Variants in DRGX observed in about 807,000 individuals in gnomAD.
DRGX encodes dorsal root ganglia homeobox, also known as dorsal root ganglia homeobox protein.
DRGX carries 21 observed loss-of-function variants against 28.6 expected under a neutral mutation model. That is an observed-to-expected ratio of 0.73 (90% CI 0.52 to 1.06). The LOEUF (loss-of-function observed/expected upper bound fraction) is 1.06, where lower values mean the gene tolerates loss of function less well. Ranked by LOEUF, DRGX falls within the 50% of genes least tolerant of loss-of-function variation. The pLI is 0.00. For synonymous variants in DRGX, 136 were observed against 139.1 expected, an observed-to-expected ratio of 0.98 and a Z score of 0.16; for missense variants, 354 against 343.9, an observed-to-expected ratio of 1.03 and a Z score of -0.23.
intron 4 of DRGX, among the ~76,000 whole-genome samples, chr10:49,389,292 A>T (rs542932514): frequency 1.4e-4 from 21 of 152,350 alleles, no homozygotes; most frequent in Admixed American, 8.5e-4. Flanking sequence ...AGAGATACTA[A>T]CATGACCCAG....
chr10:49,364,898 ACTGCAAC>A lies in DRGX; in HGVS notation c.*1211_*1217del, dbSNP rs1849582635. On this transcript the variant is annotated 3_prime_UTR_variant, in exon 7 of 7. Transcript: ENST00000374139. ...ACACCATCAGCAAAAGCCACCAAAGACTGCAACCTTTCCCATGCCGGGCGCCCCTGCC... is the reference window on the plus strand; with the variant it reads ...ACACCATCAGCAAAAGCCACCAAAGACTTTCCCATGCCGGGCGCCCCTGCC... 1 of 152,236 alleles carries A rather than the reference ACTGCAAC, an allele frequency of 6.6e-6. No homozygotes were observed. The highest frequency in any genetic ancestry group is 2.4e-5 in the African/African-American group (1 of 41,460). 9.4% of individuals were successfully genotyped at this position (152,236 alleles called of 1,614,324 possible). A position where few individuals can be genotyped will look rare whatever the true frequency, so the allele number is the denominator to read the frequency against.
Position 49,391,353 on chromosome 10 carries a change from A to C in DRGX, c.35-92T>G, listed in dbSNP as rs1482558562. ...AGTTCAGAGGGCACCCACCTGACCC[A>C]CCAGACAGGAAGCCCTGTTTGTCCC... On this transcript the variant is annotated intron_variant, in intron 2 of 6. Coordinates refer to ENST00000374139, the MANE Select transcript of DRGX (RefSeq NM_001276451.2). The C allele has an allele frequency of 5.3e-6, 5 of 944,230 alleles. No individual in the cohort carries two copies. The East Asian group carries it at 1.3e-4, about 24-fold the overall frequency. The allele number at this position is 944,230 out of a possible 1,614,324, so 58.5% of individuals were successfully genotyped here. A position where few individuals can be genotyped will look rare whatever the true frequency, so the allele number is the denominator to read the frequency against.
At chr10:49,378,343 G>A (rs1849737939) in intron 6 of DRGX, among the ~76,000 whole-genome samples, 1 of 152,134 alleles carries the variant, frequency 6.6e-6, no homozygotes, top group Admixed American at 6.5e-5. Context: ...ACCACATATT[G>A]CACGATTCCA....
At chr10:49,366,403 G>A (rs368998576) in intron 6 of DRGX, 22 bp from the exon 7 acceptor site, 1 of 1,583,110 alleles carries the variant, frequency 6.3e-7, no homozygotes, top group Non-Finnish European at 8.6e-7. Context: ...AAAACAACAG[G>A]CTCCCATCAC....
At chr10:49,390,706 C>A (rs1326989720) in intron 3 of DRGX, among the ~76,000 whole-genome samples, 2 of 152,146 alleles carry the variant, frequency 1.3e-5, no homozygotes, top group Non-Finnish European at 2.9e-5. Flanking sequence ...AGAGGCTGAT[C>A]GAGGGGAAAA....
At chr10:49,387,896 G>C (rs897460907) in intron 4 of DRGX, among the ~76,000 whole-genome samples, 17 of 152,198 alleles carry the variant, frequency 1.1e-4, no homozygotes, top group Non-Finnish European at 2.2e-4. Context: ...ACAGTTTGAA[G>C]CCCAATGGCT....
chr10:49,384,074 C>T (rs1849806065), intron 6 of DRGX, among the ~76,000 whole-genome samples: 1 of 152,244 alleles, frequency 6.6e-6, no homozygotes, highest in African/African-American at 2.4e-5. Flanking sequence ...CTGCCTCTGC[C>T]CAACCCGAAT....
At chr10:49,392,331 G>A (rs780603796) in intron 2 of DRGX, among the ~76,000 whole-genome samples, 1 of 152,182 alleles carries the variant, frequency 6.6e-6, no homozygotes, top group African/African-American at 2.4e-5. Context: ...ACTAGAGGAA[G>A]TTCCTTTTAG....
At chr10:49,392,390 C>G (rs1849916438) in intron 2 of DRGX, among the ~76,000 whole-genome samples, 1 of 152,254 alleles carries the variant, frequency 6.6e-6, no homozygotes, top group South Asian at 2.1e-4. Context: ...CACCCTGACT[C>G]TCTGCTAAAG....
chr10:49,380,506 T>G (rs1253712886), intron 6 of DRGX, among the ~76,000 whole-genome samples: 2 of 152,224 alleles, frequency 1.3e-5, no homozygotes, highest in African/African-American at 2.4e-5. Flanking sequence ...CACCCATTAT[T>G]GTCATGTTAG....
intron 2 of DRGX, among the ~76,000 whole-genome samples, chr10:49,392,252 G>A (rs1321056433): frequency 1.3e-5 from 2 of 152,228 alleles, no homozygotes; most frequent in Non-Finnish European, 2.9e-5. Flanking sequence ...CACTGTCCCA[G>A]ACAAGGACCC....
chr10:49,369,979 A>T (rs1165963227), intron 6 of DRGX, among the ~76,000 whole-genome samples: 1 of 152,022 alleles, frequency 6.6e-6, no homozygotes, highest in Non-Finnish European at 1.5e-5. Context: ...CACCGCACTC[A>T]CCGGGCCTTT....
At chr10:49,381,480 C>A (rs2132478450) in intron 6 of DRGX, among the ~76,000 whole-genome samples, 1 of 152,392 alleles carries the variant, frequency 6.6e-6, no homozygotes, top group African/African-American at 2.4e-5. Context: ...CAGGCCCCAG[C>A]ACCAACCCTG....
At chr10:49,387,387 G>T (rs1849851703) in intron 4 of DRGX, among the ~76,000 whole-genome samples, 1 of 152,120 alleles carries the variant, frequency 6.6e-6, no homozygotes, top group African/African-American at 2.4e-5. Flanking sequence ...GGTCAGGCGT[G>T]GTGGCTCAGG....
At chr10:49,372,625 C>G (rs1849672087) in intron 6 of DRGX, among the ~76,000 whole-genome samples, 1 of 152,230 alleles carries the variant, frequency 6.6e-6, no homozygotes. Context: ...AATTCCATGA[C>G]CAGCTGAAGA....
At chr10:49,368,516 C>A (rs1849622552) in intron 6 of DRGX, among the ~76,000 whole-genome samples, 1 of 152,252 alleles carries the variant, frequency 6.6e-6, no homozygotes, top group South Asian at 2.1e-4. Context: ...CATAGCCACA[C>A]CCTGACACCA....
At chr10:49,377,405 G>C (rs2132475344) in intron 6 of DRGX, among the ~76,000 whole-genome samples, 1 of 152,334 alleles carries the variant, frequency 6.6e-6, no homozygotes, top group South Asian at 2.1e-4. Flanking sequence ...GTTAGTGTCT[G>C]CAGTCAGTCT....
At chr10:49,379,645 C>T (rs1170904305) in intron 6 of DRGX, among the ~76,000 whole-genome samples, 1 of 152,202 alleles carries the variant, frequency 6.6e-6, no homozygotes, top group Non-Finnish European at 1.5e-5. Context: ...GCAAAACATC[C>T]TTGACTAATG....
chr10:49,376,983 C>T (rs143480250), intron 6 of DRGX, among the ~76,000 whole-genome samples: 6 of 152,284 alleles, frequency 3.9e-5, no homozygotes, highest in East Asian at 1.9e-4. Context: ...AGATCCTTCA[C>T]GTAGGGATGA....
Sources: gnomAD v4.1 joint callset for allele counts (sites outside exome capture counted in the v4.1 genomes callset) on GRCh38, gnomAD v4.1.1 for gene constraint, MANE v1.5 for transcripts, NCBI Gene and HGNC (gene_info 2026-07-23, HGNC 2026-07-21) for gene names.